ITPRID1: variants seen among roughly 807,000 people sequenced by gnomAD.
ITPRID1 encodes ITPR interacting domain containing 1.
A neutral mutation model predicts 95.4 loss-of-function variants in ITPRID1; 96 were observed. The observed-to-expected ratio is 1.01, with a 90% confidence interval of 0.85 to 1.19. ITPRID1 has a LOEUF of 1.19. ITPRID1 is among the 50% of genes most tolerant of loss of function. ITPRID1 has a pLI of 0.00. For missense variants in ITPRID1, 1,339 were observed against 1,252.9 expected (o/e 1.07, Z -1.04); for synonymous variants, 510 against 453.6 (o/e 1.12, Z -1.58).
intron 5 of ITPRID1, among the ~76,000 whole-genome samples, chr7:31,560,585 A>G (rs1784591401): frequency 6.6e-6 from 1 of 152,160 alleles, no homozygotes; most frequent in Non-Finnish European, 1.5e-5. Context: ...TAAAATGTAG[A>G]CAGGGCAGCA....
intron 13 of ITPRID1, 30 bp downstream of exon 13, chr7:31,651,299 G>T (rs1001816954): frequency 1.0e-5 from 16 of 1,607,314 alleles, no homozygotes; most frequent in Non-Finnish European, 1.4e-5. Context: ...ATAAAAGTAA[G>T]TACCAGCCCA....
chr7:31,652,233 T>C (rs141139031), intron 14 of ITPRID1, among the ~76,000 whole-genome samples, 183 bp downstream of exon 14: 1 of 152,352 alleles, frequency 6.6e-6, no homozygotes, highest in Non-Finnish European at 1.5e-5. Context: ...ATGGTGATTC[T>C]GTATCAGAAT....
chr7:31,555,128 C>T (rs1035391136), intron 5 of ITPRID1: 6 of 487,766 alleles, frequency 1.2e-5, no homozygotes, highest in African/African-American at 9.7e-5. Flanking sequence ...CTTGCCATAT[C>T]ATCAATGGCT....
Position 31,549,512 on chromosome 7 carries a change from G to T in ITPRID1, c.-24+13G>T, listed in dbSNP as rs112315387. ...ACCAATATGAGTGGTGATTGTTTTG[G>T]ATATATTTTTCATTAAATTTTCCCA... is the stretch of plus-strand genomic sequence containing the variant. On this transcript the variant is annotated intron_variant, in intron 2 of 14. Coordinates refer to ENST00000615280, the MANE Select transcript of ITPRID1 (RefSeq NM_001257967.3). 5.9e-6 allele frequency: 9 copies of T among 1,516,054 alleles called. No individual in the cohort carries two copies. In the African/African-American group the frequency reaches 1.2e-4, roughly 21 times the overall value. 93.9% of individuals were successfully genotyped at this position (1,516,054 alleles called of 1,614,324 possible). A position where few individuals can be genotyped will look rare whatever the true frequency, so the allele number is the denominator to read the frequency against.
At chr7:31,549,552 T>G (rs1432104242) in intron 2 of ITPRID1, 53 bp downstream of exon 2, 1 of 1,329,776 alleles carries the variant, frequency 7.5e-7, no homozygotes, top group East Asian at 2.5e-5. Flanking sequence ...CTCCATAAAG[T>G]GTTTATTTCA....
intron 1 of ITPRID1, among the ~76,000 whole-genome samples, chr7:31,516,774 C>T (rs1301174367): frequency 6.6e-6 from 1 of 152,122 alleles, no homozygotes; most frequent in East Asian, 1.9e-4. Flanking sequence ...GTGACTGGTA[C>T]CAGAAATGTC....
intron 6 of ITPRID1, among the ~76,000 whole-genome samples, chr7:31,570,272 A>G (rs1784939263): frequency 1.3e-5 from 2 of 152,334 alleles, no homozygotes; most frequent in South Asian, 4.1e-4. Context: ...CCAGAACACC[A>G]GCATTAGCAT....
intron 5 of ITPRID1, among the ~76,000 whole-genome samples, chr7:31,557,691 C>T (rs1025665774): frequency 3.9e-5 from 6 of 152,142 alleles, no homozygotes; most frequent in Admixed American, 1.3e-4. Context: ...CATACATTAT[C>T]TTGCTTACCA....
intron 8 of ITPRID1, 27 bp downstream of exon 8, chr7:31,574,769 A>T (rs1391984906): frequency 5.0e-6 from 8 of 1,607,894 alleles, no homozygotes; most frequent in Non-Finnish European, 6.8e-6. Context: ...TGGCATTCGC[A>T]TCTCAGCATT....
At chr7:31,616,614 T>C (rs978147067) in intron 10 of ITPRID1, among the ~76,000 whole-genome samples, 56 of 152,284 alleles carry the variant, frequency 3.7e-4, no homozygotes, top group African/African-American at 1.3e-3. Flanking sequence ...ACAATGTTAT[T>C]TCAGCTTTAG....
chr7:31,527,911 T>C (rs1783473720), intron 1 of ITPRID1, among the ~76,000 whole-genome samples: 1 of 152,218 alleles, frequency 6.6e-6, no homozygotes, highest in African/African-American at 2.4e-5. Context: ...AGGGAAGTGT[T>C]CTATTTGGAA....
At position 31,643,869 on chromosome 7, in the gene ITPRID1, G is replaced by A. The variant is rs1023502213; in HGVS notation, c.2499G>A (p.Leu833=). 9 of 1,613,772 alleles carry A rather than the reference G, an allele frequency of 5.6e-6. No individual in the cohort carries two copies. Among genetic ancestry groups the A allele is most frequent in the Non-Finnish European group, 7.6e-6 (9 of 1,179,896 alleles). The change falls in exon 12 of 15, where the codon CTG becomes CTA. Residue 833 remains leucine, a synonymous_variant. Coordinates refer to ENST00000615280, the MANE Select transcript of ITPRID1 (RefSeq NM_001257967.3). ...GPEPSVCRHC[L]CSLTGHQEAQ... is the part of the protein sequence containing the mutation. ...AACCCTCAGTCTGTAGGCACTGCCT[G>A]TGTTCACTAACTGGTCACCAGGAAG... is the stretch of plus-strand genomic sequence containing the variant.
chr7:31,587,336 A>G (rs931633794), intron 10 of ITPRID1, among the ~76,000 whole-genome samples: 91 of 152,242 alleles, frequency 6.0e-4, no homozygotes, highest in African/African-American at 2.1e-3. Flanking sequence ...GCATTCTTAT[A>G]CACCAATAAC....
intron 10 of ITPRID1, among the ~76,000 whole-genome samples, chr7:31,629,546 T>C (rs1319481878): frequency 6.6e-6 from 1 of 152,198 alleles, no homozygotes; most frequent in Non-Finnish European, 1.5e-5. Flanking sequence ...TAAGGTAGTA[T>C]TTTGATATGA....
chr7:31,632,703 G>A (rs914733093), intron 10 of ITPRID1, among the ~76,000 whole-genome samples: 3 of 152,018 alleles, frequency 2.0e-5, no homozygotes, highest in African/African-American at 4.8e-5. Flanking sequence ...AGTCCTCCTC[G>A]TTTCCATGTT....
chr7:31,650,586 C>T (rs74365398), intron 12 of ITPRID1, among the ~76,000 whole-genome samples: 1,735 of 152,284 alleles, frequency 0.011, 53 homozygotes, highest in African/African-American at 0.039. Flanking sequence ...TGCCTGCCTT[C>T]CTCAGGGTGG....
chr7:31,574,403 G>T (rs904834740), intron 7 of ITPRID1, 137 bp from the exon 8 acceptor site: 6 of 735,092 alleles, frequency 8.2e-6, no homozygotes, highest in Non-Finnish European at 1.4e-5. Flanking sequence ...ATATAGGAAC[G>T]CTAGTGCACG....
chr7:31,616,427 A>AT (rs5883296), intron 10 of ITPRID1, among the ~76,000 whole-genome samples: 148,662 of 152,218 alleles, frequency 0.98, 72,604 homozygotes, highest in East Asian at 0.99. Context: ...CTTAGGTTGG[A>AT]TTCCCAGAAA....
chr7:31,638,263 G>T (rs973725152), intron 10 of ITPRID1, among the ~76,000 whole-genome samples: 5 of 152,154 alleles, frequency 3.3e-5, no homozygotes, highest in Non-Finnish European at 7.4e-5. Flanking sequence ...TATAACAAAG[G>T]CAGTGAAGTC....
Sources: allele counts gnomAD v4.1 joint callset (sites outside exome capture counted in the v4.1 genomes callset), GRCh38; gene constraint gnomAD v4.1.1; transcripts MANE v1.5; gene names NCBI Gene and HGNC (gene_info 2026-07-23, HGNC 2026-07-21).